The following CDH13 variants were observed in gnomAD, a reference collection of about 807,000 sequenced individuals.
CDH13 encodes the protein cadherin 13.
A neutral mutation model predicts 63.8 loss-of-function variants in CDH13; 24 were observed. The ratio of observed to expected loss-of-function variants is 0.38; its 90% confidence interval spans 0.27 to 0.53. The LOEUF (loss-of-function observed/expected upper bound fraction) is 0.53, where lower values mean the gene tolerates loss of function less well. Ranked by LOEUF, CDH13 falls within the 20% of genes least tolerant of loss-of-function variation. The pLI, the probability that CDH13 is intolerant of heterozygous loss-of-function variation, is 0.85. For synonymous variants in CDH13, 503 were observed against 355.3 expected (o/e 1.42, Z -4.67); for missense variants, 1,049 against 903.1 (o/e 1.16, Z -2.07).
In CDH13 at chr16:83,370,360, C is replaced by T. The variant is rs369898434; in HGVS notation, c.781+25354C>T. 2.4e-3 allele frequency among the ~76,000 whole-genome samples: 362 copies of T among 150,696 alleles called. 11 individuals carry two copies. The South Asian group carries it at 0.073, about 30-fold the overall frequency. ...CCAAGGCTGCGCCACTGCACTCCAG[C>T]CTGGGTAACACAGCGAGACTCCATT... On this transcript the variant is annotated intron_variant, in intron 6 of 13. Coordinates refer to ENST00000567109, the MANE Select transcript of CDH13 (RefSeq NM_001257.5).
intron 6 of CDH13, among the ~76,000 whole-genome samples, chr16:83,357,294 G>T (rs1242995622): frequency 6.6e-6 from 1 of 152,114 alleles, no homozygotes; most frequent in Non-Finnish European, 1.5e-5. Flanking sequence ...ATAAGCCAGG[G>T]CTAGAGGGGA....
At chr16:82,846,745 T>C (rs2039274351) in intron 1 of CDH13, among the ~76,000 whole-genome samples, 1 of 152,226 alleles carries the variant, frequency 6.6e-6, no homozygotes, top group Admixed American at 6.5e-5. Context: ...TTTCCATCTC[T>C]AGTATCTAGG....
At chr16:83,154,845 A>G (rs896953355) in intron 4 of CDH13, among the ~76,000 whole-genome samples, 9 of 152,180 alleles carry the variant, frequency 5.9e-5, no homozygotes, top group Non-Finnish European at 1.3e-4. Flanking sequence ...AAATGATGTT[A>G]TTTCAACCGG....
intron 7 of CDH13, among the ~76,000 whole-genome samples, chr16:83,511,357 G>T (rs1302307653): frequency 6.6e-6 from 1 of 152,060 alleles, no homozygotes; most frequent in Non-Finnish European, 1.5e-5. Context: ...ATCTACTCGG[G>T]AGGCTGAAGC....
At chr16:83,562,553 C>T (rs1031633731) in intron 7 of CDH13, among the ~76,000 whole-genome samples, 5 of 152,092 alleles carry the variant, frequency 3.3e-5, no homozygotes, top group African/African-American at 9.7e-5. Context: ...TAAGAAGAGA[C>T]CCATGAAAAT....
chr16:82,862,324 C>T (rs2039977197), intron 2 of CDH13, among the ~76,000 whole-genome samples: 1 of 152,138 alleles, frequency 6.6e-6, no homozygotes, highest in African/African-American at 2.4e-5. Flanking sequence ...GGGAAGATCC[C>T]AAGTGATAAA....
Position 82,770,062 on chromosome 16 carries a change from T to G in CDH13, c.46-88300T>G, listed in dbSNP as rs988633038. Among the ~76,000 whole-genome samples the G allele has an allele frequency of 2.0e-5, 3 of 152,386 alleles. No individual in the cohort carries two copies. The East Asian group carries it at 5.8e-4, about 29-fold the overall frequency. On this transcript the variant is annotated intron_variant, in intron 1 of 13. Coordinates refer to ENST00000567109, the MANE Select transcript of CDH13 (RefSeq NM_001257.5). ...CAGCTAATTTTGCCAGAGCTGGATG[T>G]CAGCCAAAGCACAACTGTCTATGGC...
chr16:83,761,598 A>C (rs1048952438), intron 11 of CDH13, among the ~76,000 whole-genome samples: 2 of 152,250 alleles, frequency 1.3e-5, no homozygotes, highest in Non-Finnish European at 1.5e-5. Flanking sequence ...CTATTTGAAC[A>C]GTTGGCCCTT....
chr16:82,661,123 C>T (rs538595683), intron 1 of CDH13, among the ~76,000 whole-genome samples: 1 of 152,274 alleles, frequency 6.6e-6, no homozygotes, highest in Admixed American at 6.5e-5. Flanking sequence ...TGGAGGGATA[C>T]AGCTGTCCGT....
chr16:83,460,291 T>C (rs982938638), intron 6 of CDH13, among the ~76,000 whole-genome samples: 4 of 152,244 alleles, frequency 2.6e-5, no homozygotes, highest in Non-Finnish European at 5.9e-5. Context: ...CTGACTGCTG[T>C]TCAGAGAGTA....
intron 2 of CDH13, among the ~76,000 whole-genome samples, chr16:82,976,025 T>C (rs1485987585): frequency 6.6e-6 from 1 of 152,146 alleles, no homozygotes; most frequent in Non-Finnish European, 1.5e-5. Flanking sequence ...GGATTCTGTG[T>C]TGTGAAGAGA....
chr16:82,839,836 T>G (rs1805228248), intron 1 of CDH13, among the ~76,000 whole-genome samples: 3 of 152,218 alleles, frequency 2.0e-5, no homozygotes, highest in Non-Finnish European at 4.4e-5. Flanking sequence ...TTCTTCCAAA[T>G]TGTAGTACAG....
intron 4 of CDH13, among the ~76,000 whole-genome samples, chr16:83,132,455 T>TCCCCC (rs2036098999): frequency 1.1e-4 from 1 of 8,784 alleles, no homozygotes; most frequent in African/African-American, 4.6e-4. Flanking sequence ...ACCCCCCCCT[T>TCCCCC]TTTTTTTTTT....
chr16:83,333,648 C>T (rs2090524635), intron 5 of CDH13, among the ~76,000 whole-genome samples: 1 of 152,090 alleles, frequency 6.6e-6, no homozygotes, highest in Non-Finnish European at 1.5e-5. Context: ...GCTCATTTAT[C>T]TTTTTATTTA....
intron 7 of CDH13, among the ~76,000 whole-genome samples, chr16:83,503,423 C>G (rs976110441): frequency 3.5e-4 from 53 of 152,130 alleles, no homozygotes; most frequent in Admixed American, 3.9e-4. Flanking sequence ...TGGAGCCCAT[C>G]TCAGGATGCC....
intron 6 of CDH13, among the ~76,000 whole-genome samples, chr16:83,410,305 GC>G (rs1476159492): frequency 6.6e-6 from 1 of 152,142 alleles, no homozygotes; most frequent in Non-Finnish European, 1.5e-5. Context: ...TTTATTTATT[GC>G]TTTTACTCTG....
chr16:82,870,428 A>G (rs1360875049), intron 2 of CDH13, among the ~76,000 whole-genome samples: 1 of 152,156 alleles, frequency 6.6e-6, no homozygotes, highest in Non-Finnish European at 1.5e-5. Flanking sequence ...AAAACTAAAA[A>G]TAGAACTACT....
intron 1 of CDH13, among the ~76,000 whole-genome samples, chr16:82,682,408 G>A (rs1286488503): frequency 1.3e-5 from 2 of 152,168 alleles, no homozygotes; most frequent in Non-Finnish European, 2.9e-5. Context: ...CAGAGGAGAG[G>A]CCACCTATTG....
intron 1 of CDH13, among the ~76,000 whole-genome samples, chr16:82,660,648 G>C (rs1911830296): frequency 6.6e-6 from 1 of 152,150 alleles, no homozygotes; most frequent in Non-Finnish European, 1.5e-5. Flanking sequence ...CCCTTTCACT[G>C]TATACCTGGG....
Sources: gnomAD v4.1 joint callset for allele counts (sites outside exome capture counted in the v4.1 genomes callset) on GRCh38, gnomAD v4.1.1 for gene constraint, MANE v1.5 for transcripts, NCBI Gene and HGNC (gene_info 2026-07-23, HGNC 2026-07-21) for gene names.